The following WDFY1 variants were observed in gnomAD, a reference collection of about 807,000 sequenced individuals.
WDFY1 encodes the protein WD repeat and FYVE domain-containing protein 1.
In WDFY1, 32 loss-of-function variants were observed where a neutral mutation model predicts 56.4. The ratio of observed to expected loss-of-function variants is 0.57; its 90% CI spans 0.43 to 0.76. WDFY1 has a LOEUF of 0.76. WDFY1 is among the 30% of genes least tolerant of loss of function. The probability of loss-of-function intolerance (pLI) is 0.00; values close to 1 mark genes in which losing one functional copy is unlikely to be tolerated. For synonymous variants in WDFY1, 192 were observed against 197.3 expected, an observed-to-expected ratio of 0.97 and a Z score of 0.23; for missense variants, 480 against 545.7, an observed-to-expected ratio of 0.88 and a Z score of 1.20.
chr2:223,940,935 G>A lies in WDFY1; in HGVS notation c.137+4213C>T, dbSNP rs1052149279. On this transcript the variant is annotated intron_variant, in intron 1 of 11. Coordinates refer to ENST00000233055, the MANE Select transcript of WDFY1 (RefSeq NM_020830.5). ...CTTCCTGGGTTCAAGTGATTCTCCT[G>A]CCTCAGCCTCCCAAGTAGCTGGGAT... Among the ~76,000 whole-genome samples the A allele has an allele frequency of 4.6e-5, 7 of 152,282 alleles. No individual in the cohort carries two copies. In the East Asian group the frequency reaches 1.2e-3, roughly 25 times the overall value.
intron 4 of WDFY1, among the ~76,000 whole-genome samples, chr2:223,903,768 G>A (rs1574767258): frequency 2.6e-5 from 4 of 150,972 alleles, no homozygotes; most frequent in Admixed American, 1.3e-4. Context: ...CTCCCACCTC[G>A]GCCTCCCAAG....
intron 4 of WDFY1, among the ~76,000 whole-genome samples, chr2:223,904,317 T>C (rs1693561702): frequency 6.6e-6 from 1 of 152,236 alleles, no homozygotes; most frequent in African/African-American, 2.4e-5. Flanking sequence ...AGTGGTGCGA[T>C]TTTGGTTCCC....
At chr2:223,920,893 G>A (rs1351663535) in intron 1 of WDFY1, among the ~76,000 whole-genome samples, 2 of 152,190 alleles carry the variant, frequency 1.3e-5, no homozygotes, top group Non-Finnish European at 2.9e-5. Context: ...GCATCACATC[G>A]CTTTGTTTAC....
intron 2 of WDFY1, among the ~76,000 whole-genome samples, chr2:223,913,320 G>A (rs769566010): frequency 1.3e-5 from 2 of 151,980 alleles, no homozygotes; most frequent in Middle Eastern, 3.2e-3. Flanking sequence ...ACCAAAGGAA[G>A]GAAGTAAACT....
chr2:223,890,789 T>C (rs1693256517), intron 8 of WDFY1, among the ~76,000 whole-genome samples: 1 of 152,230 alleles, frequency 6.6e-6, no homozygotes, highest in African/African-American at 2.4e-5. Context: ...TGCTATACAT[T>C]CTGTAACCTA....
intron 1 of WDFY1, among the ~76,000 whole-genome samples, chr2:223,938,486 G>A (rs933635175): frequency 1.3e-5 from 2 of 152,194 alleles, no homozygotes; most frequent in Non-Finnish European, 2.9e-5. Flanking sequence ...AGTCACCACT[G>A]TAGTTCAAAT....
intron 1 of WDFY1, among the ~76,000 whole-genome samples, chr2:223,940,233 C>T (rs573166166): frequency 5.5e-4 from 84 of 152,232 alleles, no homozygotes; most frequent in African/African-American, 1.8e-3. Flanking sequence ...GCAGGAGAAT[C>T]GCTTGAACCT....
At chr2:223,934,213 C>A (rs10174705) in intron 1 of WDFY1, among the ~76,000 whole-genome samples, 124,844 of 150,976 alleles carry the variant, frequency 0.83, 52,578 homozygotes, top group Non-Finnish European at 0.93. Flanking sequence ...CTTAGCCTAC[C>A]GAGTAGCTGG....
intron 3 of WDFY1, among the ~76,000 whole-genome samples, chr2:223,910,447 T>TAAAAAAAAA (rs1196716792): frequency 7.8e-6 from 1 of 127,516 alleles, no homozygotes; most frequent in Non-Finnish European, 1.7e-5. Flanking sequence ...TCACCAAACT[T>TAAAAAAAAA]AAAAAAAAAA....
At chr2:223,890,998 G>A (rs1693265142) in intron 8 of WDFY1, among the ~76,000 whole-genome samples, 1 of 152,120 alleles carries the variant, frequency 6.6e-6, no homozygotes, top group Admixed American at 6.6e-5. Context: ...ATTGACAGGG[G>A]ACTTGGAGAG....
intron 8 of WDFY1, among the ~76,000 whole-genome samples, chr2:223,887,781 A>G (rs1693197640): frequency 6.6e-6 from 1 of 152,222 alleles, no homozygotes; most frequent in Admixed American, 6.5e-5. Flanking sequence ...GGTTAAAAAA[A>G]ATAAAGAAAA....
intron 1 of WDFY1, among the ~76,000 whole-genome samples, chr2:223,918,690 C>A (rs570517404): frequency 8.5e-4 from 129 of 151,830 alleles, no homozygotes; most frequent in African/African-American, 2.9e-3. Flanking sequence ...GAAAACAGAA[C>A]TGTTAACTGC....
intron 8 of WDFY1, among the ~76,000 whole-genome samples, chr2:223,891,182 C>A (rs558607979): frequency 5.3e-4 from 80 of 151,896 alleles, no homozygotes; most frequent in Non-Finnish European, 9.7e-4. Flanking sequence ...TCGTGACCAG[C>A]CTGGTCAACA....
Position 223,913,993 on chromosome 2 carries a change from C to CTTTTTTTT in WDFY1, c.206-1675_206-1668dup, listed in dbSNP as rs386392770. Among the ~76,000 whole-genome samples the CTTTTTTTT allele has an allele frequency of 3.2e-3, 281 of 88,118 alleles. 4 individuals carry two copies. Among genetic ancestry groups the CTTTTTTTT allele is most frequent in the South Asian group, 4.0e-3 (8 of 1,988 alleles). 57.8% of individuals were successfully genotyped at this position (88,118 alleles called of 152,430 possible). ...AGGAATCATCTTTCAAATCAGTTAG[C>CTTTTTTTT]TTTTTTTTTTTTTTTTTTTTTTTGA... is the stretch of plus-strand genomic sequence containing the variant. On this transcript the variant is annotated intron_variant, in intron 2 of 11. Transcript: ENST00000233055.
chr2:223,882,118 T>A, intron 9 of WDFY1, 46 bp from the exon 10 acceptor site: 1 of 1,587,948 alleles, frequency 6.3e-7, no homozygotes. Context: ...TAGCTTTCGC[T>A]TTTTGTTTTG....
chr2:223,880,265 C>G (rs773780880), intron 10 of WDFY1, 33 bp from the exon 11 acceptor site: 3 of 1,599,214 alleles, frequency 1.9e-6, no homozygotes, highest in Non-Finnish European at 2.6e-6. Flanking sequence ...TGAAAATTTA[C>G]TTGACTGTAC....
chr2:223,923,693 G>A (rs954809442), intron 1 of WDFY1, among the ~76,000 whole-genome samples: 5 of 152,030 alleles, frequency 3.3e-5, no homozygotes, highest in Admixed American at 6.5e-5. Context: ...CCTGGGAGGC[G>A]GAGCTTGCAG....
intron 2 of WDFY1, among the ~76,000 whole-genome samples, chr2:223,915,672 A>C (rs1693775658): frequency 6.6e-6 from 1 of 152,202 alleles, no homozygotes; most frequent in Middle Eastern, 3.2e-3. Context: ...ATGATGACAA[A>C]ACATTTCCCA....
At chr2:223,900,789 C>T (rs616968) in intron 5 of WDFY1, 149,320 of 160,226 alleles carry the variant, frequency 0.93, 69,663 homozygotes, top group South Asian at 0.97. Context: ...TTTTTTCCTT[C>T]CTTCACACAA....
Sources: gnomAD v4.1 joint callset for allele counts (sites outside exome capture counted in the v4.1 genomes callset) on GRCh38, gnomAD v4.1.1 for gene constraint, MANE v1.5 for transcripts, NCBI Gene and HGNC (gene_info 2026-07-23, HGNC 2026-07-21) for gene names.